The following ANXA2 variants were observed in gnomAD, a reference collection of about 807,000 sequenced individuals.
ANXA2 encodes annexin A2, also known as annexin II.
ANXA2 carries 28 observed loss-of-function variants against 47.3 expected under a neutral mutation model. The ratio of observed to expected loss-of-function variants is 0.59; its 90% CI spans 0.44 to 0.81. The LOEUF (loss-of-function observed/expected upper bound fraction) is 0.81, where lower values mean the gene tolerates loss of function less well. Ranked by LOEUF, ANXA2 falls within the 40% of genes least tolerant of loss-of-function variation. The pLI is 0.00. For synonymous variants in ANXA2, 172 were observed against 155.5 expected, an observed-to-expected ratio of 1.11 and a Z score of -0.79; for missense variants, 384 against 414.3, an observed-to-expected ratio of 0.93 and a Z score of 0.64.
At chr15:60,381,716 A>G (rs1464531485) in intron 3 of ANXA2, among the ~76,000 whole-genome samples, 1 of 152,084 alleles carries the variant, frequency 6.6e-6, no homozygotes, top group Non-Finnish European at 1.5e-5. Context: ...TAAAAAAAAC[A>G]AAAAAAGTCT....
At chr15:60,368,316 A>AAAT (rs1555401432) in intron 3 of ANXA2, among the ~76,000 whole-genome samples, 2,117 of 113,984 alleles carry the variant, frequency 0.019, 53 homozygotes, top group African/African-American at 0.056. Flanking sequence ...AATAAAAAAA[A>AAAT]AAAATAAAAT....
intron 4 of ANXA2, among the ~76,000 whole-genome samples, chr15:60,363,407 T>A (rs1005730848): frequency 6.6e-6 from 1 of 152,162 alleles, no homozygotes; most frequent in Non-Finnish European, 1.5e-5. Context: ...ACCCTGCTGG[T>A]CATGTCAATC....
chr15:60,375,542 A>G (rs532874099), intron 3 of ANXA2, among the ~76,000 whole-genome samples: 2 of 152,234 alleles, frequency 1.3e-5, no homozygotes, highest in Non-Finnish European at 2.9e-5. Context: ...CCCAAGGCCA[A>G]TCTAAACCAA....
rs184378262 is a variant in ANXA2, at chr15:60,391,745, T to G, written c.-11-5659A>C. ...CAATTTCACCTCTACTCACTCCTCA[T>G]CACCGTATAAAACTCATAAATCCAT... On this transcript the variant is annotated intron_variant, in intron 1 of 12. Coordinates refer to ENST00000451270, the MANE Select transcript of ANXA2 (RefSeq NM_004039.3). 2.2e-3 allele frequency among the ~76,000 whole-genome samples: 336 copies of G among 152,246 alleles called. 2 individuals carry two copies. The highest frequency in any genetic ancestry group is 7.8e-3 in the African/African-American group (323 of 41,534).
chr15:60,360,919 A>T (rs2062502886), intron 5 of ANXA2, 22 bp downstream of exon 5: 2 of 1,423,008 alleles, frequency 1.4e-6, no homozygotes, highest in Non-Finnish European at 2.0e-6. Flanking sequence ...TTTGACAGAG[A>T]TGACATCTCA....
intron 3 of ANXA2, among the ~76,000 whole-genome samples, chr15:60,364,904 C>A (rs914349721): frequency 6.6e-6 from 1 of 150,768 alleles, no homozygotes; most frequent in South Asian, 2.1e-4. Flanking sequence ...CCATTTAACT[C>A]GGGATTTAAT....
At chr15:60,379,585 C>T (rs1595697525) in intron 3 of ANXA2, among the ~76,000 whole-genome samples, 1 of 152,134 alleles carries the variant, frequency 6.6e-6, no homozygotes, top group Non-Finnish European at 1.5e-5. Context: ...CCAGTTTGAT[C>T]CAAGGCCAAA....
At chr15:60,392,857 G>C (rs1444392456) in intron 1 of ANXA2, among the ~76,000 whole-genome samples, 1 of 151,956 alleles carries the variant, frequency 6.6e-6, no homozygotes, top group Non-Finnish European at 1.5e-5. Flanking sequence ...AGAGGTGGGA[G>C]TGTGGAGAGT....
intron 3 of ANXA2, among the ~76,000 whole-genome samples, chr15:60,368,676 G>C (rs1235320119): frequency 6.6e-6 from 1 of 151,952 alleles, no homozygotes; most frequent in Non-Finnish European, 1.5e-5. Context: ...AATTTTAATA[G>C]TGATCATGTG....
intron 3 of ANXA2, among the ~76,000 whole-genome samples, chr15:60,370,844 G>A (rs2062701038): frequency 1.3e-5 from 2 of 152,156 alleles, no homozygotes; most frequent in Non-Finnish European, 2.9e-5. Context: ...TGGGTGGGGC[G>A]AGGGCATAAA....
At chr15:60,373,638 A>G (rs2062739240) in intron 3 of ANXA2, among the ~76,000 whole-genome samples, 1 of 152,148 alleles carries the variant, frequency 6.6e-6, no homozygotes, top group African/African-American at 2.4e-5. Flanking sequence ...CAGCCACAAT[A>G]TAGTGCTTTG....
intron 3 of ANXA2, among the ~76,000 whole-genome samples, chr15:60,382,084 G>C (rs537283150): frequency 6.7e-6 from 1 of 149,838 alleles, no homozygotes; most frequent in East Asian, 1.9e-4. Flanking sequence ...AAGGAAGGAA[G>C]AGCAGGAAGA....
intron 4 of ANXA2, chr15:60,361,301 A>G (rs2062508791): frequency 4.4e-6 from 2 of 456,658 alleles, no homozygotes; most frequent in Admixed American, 3.5e-5. Flanking sequence ...CCCGGTCAAT[A>G]AAAGGAAACT....
intron 3 of ANXA2, among the ~76,000 whole-genome samples, chr15:60,382,050 A>C: frequency 4.9e-5 from 1 of 20,362 alleles, no homozygotes; most frequent in East Asian, 1.9e-3. Context: ...GAAAGAAGGG[A>C]GGGGAGGGAG....
chr15:60,388,993 T>C (rs1177787559), intron 1 of ANXA2, among the ~76,000 whole-genome samples: 1 of 151,934 alleles, frequency 6.6e-6, no homozygotes, highest in Non-Finnish European at 1.5e-5. Context: ...AACTTCAACA[T>C]GGACCAAGAA....
intron 3 of ANXA2, among the ~76,000 whole-genome samples, chr15:60,372,424 A>C (rs1179131832): frequency 6.6e-6 from 1 of 152,146 alleles, no homozygotes; most frequent in Non-Finnish European, 1.5e-5. Context: ...CCTGTGATAG[A>C]AAATTATGCA....
chr15:60,352,568 T>C lies in ANXA2; in HGVS notation c.589-92A>G. On this transcript the variant is annotated intron_variant, in intron 8 of 12. Transcript: ENST00000451270. This position sits in a 1 kb window ranked among gnomAD's most constrained non-coding sequence, Gnocchi z 4.2. ...CAAAAAAAACAAAAAAAGCTACACA[T>C]TCAAAATGCCAAACGAGGAAAGATG... 8.1e-6 allele frequency: 7 copies of C among 866,918 alleles called. No homozygotes were observed. Among genetic ancestry groups the C allele is most frequent in the Non-Finnish European group, 1.3e-5 (7 of 534,578 alleles). 53.7% of individuals were successfully genotyped at this position (866,918 alleles called of 1,614,324 possible).
At chr15:60,350,208 C>A (rs1049089585) in intron 11 of ANXA2, among the ~76,000 whole-genome samples, 3 of 151,254 alleles carry the variant, frequency 2.0e-5, no homozygotes, top group East Asian at 3.9e-4. Flanking sequence ...AAAGACAAGA[C>A]AAGAAAAGAA....
intron 1 of ANXA2, 94 bp downstream of exon 1, chr15:60,397,849 G>T: frequency 7.2e-7 from 1 of 1,388,380 alleles, no homozygotes; most frequent in Non-Finnish European, 9.3e-7. Flanking sequence ...CCAGTTGCCG[G>T]GGCCTCCCTG....
Sources: gnomAD v4.1 joint callset for allele counts (sites outside exome capture counted in the v4.1 genomes callset) on GRCh38, gnomAD v4.1.1 for gene constraint, Gnocchi (gnomAD v3.1) non-coding constraint, MANE v1.5 for transcripts, NCBI Gene and HGNC (gene_info 2026-07-23, HGNC 2026-07-21) for gene names.